The following SLC17A7 variants were observed in gnomAD, a reference collection of about 807,000 sequenced individuals.
SLC17A7 encodes the protein solute carrier family 17 member 7.
In SLC17A7, 15 loss-of-function variants were observed where a neutral mutation model predicts 59.1. The ratio of observed to expected loss-of-function variants is 0.25; its 90% CI spans 0.17 to 0.39. The LOEUF (loss-of-function observed/expected upper bound fraction) is 0.39, where lower values mean the gene tolerates loss of function less well. Among genes scored for constraint, SLC17A7 ranks in the 10% least tolerant of loss-of-function variants. The pLI is 1.00. For missense variants in SLC17A7, 499 were observed against 765.1 expected (o/e 0.65, Z 4.10); for synonymous variants, 353 against 308.9 (o/e 1.14, Z -1.50).
Position 49,436,701 on chromosome 19 carries a change from T to G in SLC17A7, c.163A>C (p.Thr55Pro), listed in dbSNP as rs1235037673. 2 of 1,613,546 alleles carry G rather than the reference T, an allele frequency of 1.2e-6. No homozygotes were observed. The highest frequency in any genetic ancestry group is 1.7e-6 in the Non-Finnish European group (2 of 1,179,958). Residue 55 changes from threonine (T) to proline (P), a missense_variant, in exon 2 of 12, where the codon ACC becomes CCC. Transcript: ENST00000221485. The surrounding 1 kb of genome is among the most constrained non-coding windows in gnomAD (Gnocchi z 4.1). ...QTRDPPVVDC[T>P]CFGLPRRYII... Reference sequence around the variant, plus strand: ...TAGCGGCGAGGGAGGCCGAAGCAGGTGCAGTCCACCACCGGCGGGTCCCGG... The same window carrying G: ...TAGCGGCGAGGGAGGCCGAAGCAGGGGCAGTCCACCACCGGCGGGTCCCGG...
chr19:49,440,666 T>C (rs568629062), intron 1 of SLC17A7, among the ~76,000 whole-genome samples: 1 of 152,258 alleles, frequency 6.6e-6, no homozygotes, highest in South Asian at 2.1e-4. Context: ...CAATCCGCTT[T>C]AGCTGCAGAT....
At chr19:49,439,787 AG>A (rs1015439909) in intron 1 of SLC17A7, among the ~76,000 whole-genome samples, 86 of 152,258 alleles carry the variant, frequency 5.6e-4, no homozygotes, top group African/African-American at 2.0e-3. Flanking sequence ...GGGACCCAAG[AG>A]GTAACTCAGA....
Position 49,432,873 on chromosome 19 carries a change from A to G in SLC17A7, c.955T>C (p.Tyr319His). Reference sequence around the variant, plus strand: ...GCGGGCTGGGAGATGAGCAGCAGGTAGAACGTCCAGCTGCGGCAGAAGTTG... The same window carrying G: ...GCGGGCTGGGAGATGAGCAGCAGGTGGAACGTCCAGCTGCGGCAGAAGTTG... The part of the protein sequence containing the change: ...VANFCRSWTF[Y>H]LLLISQPAYF... The change falls in exon 8 of 12, where the codon TAC becomes CAC. Residue 319 changes from tyrosine to histidine, a missense_variant. Transcript: ENST00000221485. 1 of 1,596,718 alleles carries G rather than the reference A, an allele frequency of 6.3e-7. No homozygotes were observed. Among genetic ancestry groups the G allele is most frequent in the Non-Finnish European group, 8.5e-7 (1 of 1,171,578 alleles).
At position 49,431,460 on chromosome 19, in the gene SLC17A7, G is replaced by C; in HGVS notation, c.1151-12C>G. On this transcript the variant is annotated splice_polypyrimidine_tract_variant and intron_variant, in intron 9 of 11. Transcript: ENST00000221485. The surrounding 1 kb of genome is among the most constrained non-coding windows in gnomAD (Gnocchi z 4.6). ...TTCCATGCCGAAGCCTACGGGGGCG[G>C]GGGGGGCCCGCGTCTCCTGAGTGTC... 6.2e-7 allele frequency: 1 copy of C among 1,610,078 alleles called. No homozygotes were observed. The highest frequency in any genetic ancestry group is 2.2e-5 in the East Asian group (1 of 44,834).
At chr19:49,434,255 C>G (rs912503002) in intron 5 of SLC17A7, among the ~76,000 whole-genome samples, 1 of 149,318 alleles carries the variant, frequency 6.7e-6, no homozygotes, top group African/African-American at 2.5e-5. Flanking sequence ...GGAGTCCAGG[C>G]CCCCAGCTCC....
At position 49,430,515 on chromosome 19, in the gene SLC17A7, A is replaced by G. The variant is rs764804430; in HGVS notation, c.*4T>C. The G allele has an allele frequency of 3.7e-5, 57 of 1,553,542 alleles. No individual in the cohort carries two copies. Among genetic ancestry groups the G allele is most frequent in the Non-Finnish European group, 4.7e-5 (54 of 1,149,204 alleles). On this transcript the variant is annotated 3_prime_UTR_variant, in exon 12 of 12. Transcript: ENST00000221485. Reference sequence around the variant, plus strand: ...GAAACTGCCATTCAGTGGGAGGCACATGGTCAGTAGTCCCGGACAGGGGGT... The same window carrying G: ...GAAACTGCCATTCAGTGGGAGGCACGTGGTCAGTAGTCCCGGACAGGGGGT...
chr19:49,434,726 A>G (rs566255603), intron 4 of SLC17A7, 37 bp from the exon 5 acceptor site: 2 of 1,614,086 alleles, frequency 1.2e-6, no homozygotes, highest in Admixed American at 1.7e-5. Flanking sequence ...GAGAAGAGGC[A>G]GGGTCCGAGC....
rs142548730 is a variant in SLC17A7, at chr19:49,433,357, G to A, written c.867+369C>T. Reference sequence around the variant, plus strand: ...CGATCCTGCAGCCTCCACCCCCAAAGTGTTGGGATTGCAGGCGGAAGCCAC... The same window carrying A: ...CGATCCTGCAGCCTCCACCCCCAAAATGTTGGGATTGCAGGCGGAAGCCAC... On this transcript the variant is annotated intron_variant, in intron 7 of 11. Transcript: ENST00000221485. This position sits in a 1 kb window ranked among gnomAD's most constrained non-coding sequence, Gnocchi z 5.7. 6.8e-4 allele frequency: 301 copies of A among 440,032 alleles called. 1 individual carries two copies. The highest frequency in any genetic ancestry group is 5.8e-3 in the African/African-American group (291 of 49,908). The allele number at this position is 440,032 out of a possible 1,614,324, so 27.3% of individuals were successfully genotyped here.
In SLC17A7 at chr19:49,436,794, C is replaced by G; in HGVS notation, c.70G>C (p.Glu24Gln). The stretch of plus-strand genomic sequence containing the variant: ...GTCTCCGCGCCTTCCTGCCGCTTCT[C>G]CAGAAGGCTGCGGGACAGCAAGAGC... Reference protein sequence around the residue: ...RALGKLHRLLEKRQEGAETLE... With the variant: ...RALGKLHRLLQKRQEGAETLE... The change falls in exon 2 of 12, where the codon GAG (glutamate) becomes CAG (glutamine). Residue 24 changes from glutamate (E) to glutamine (Q), a missense_variant. This residue lies in a region of SLC17A7 where 78 missense variants were observed against 80.4 expected (regional missense o/e 0.97). Coordinates refer to ENST00000221485, the MANE Select transcript of SLC17A7 (RefSeq NM_020309.4). The surrounding 1 kb of genome is among the most constrained non-coding windows in gnomAD (Gnocchi z 4.1). 6.2e-7 allele frequency: 1 copy of G among 1,601,596 alleles called. No homozygotes were observed. The highest frequency in any genetic ancestry group is 8.5e-7 in the Non-Finnish European group (1 of 1,179,590).
Position 49,433,872 on chromosome 19 carries a change from G to C in SLC17A7, c.725-4C>G, listed in dbSNP as rs909051120. On this transcript the variant is annotated splice_polypyrimidine_tract_variant and splice_region_variant and intron_variant, in intron 6 of 11. Coordinates refer to ENST00000221485, the MANE Select transcript of SLC17A7 (RefSeq NM_020309.4). The surrounding 1 kb of genome is among the most constrained non-coding windows in gnomAD (Gnocchi z 5.7). ...TACCAGAAGATCCCGAAGCTGCCTG[G>C]GGGGGTCAGGAGGGGGATGGGAGCG... 4.3e-6 allele frequency: 7 copies of C among 1,611,382 alleles called. No individual in the cohort carries two copies. The South Asian group carries it at 5.5e-5, about 13-fold the overall frequency.
chr19:49,440,102 C>T (rs552159357), intron 1 of SLC17A7, among the ~76,000 whole-genome samples: 2 of 152,338 alleles, frequency 1.3e-5, no homozygotes, highest in South Asian at 4.1e-4. Context: ...TCCTGCCCAC[C>T]TCCCCCCACT....
chr19:49,436,617 G>C lies in SLC17A7; in HGVS notation c.247C>G (p.Leu83Val). 6.2e-7 allele frequency: 1 copy of C among 1,614,030 alleles called. No individual in the cohort carries two copies. The highest frequency in any genetic ancestry group is 8.5e-7 in the Non-Finnish European group (1 of 1,179,982). ...ACCATGGAGACGATGGCCACGCCCA[G>C]GTTGCAGCGGATGCCAAAGCTGATG... ...FCISFGIRCNLGVAIVSMVNN... is the reference protein window; with the variant it reads ...FCISFGIRCNVGVAIVSMVNN... The change falls in exon 2 of 12, where the codon CTG becomes GTG. Residue 83 changes from leucine to valine, a missense_variant. Leu to Val is a conservative substitution (Grantham distance 32, BLOSUM62 1). Coordinates refer to ENST00000221485, the MANE Select transcript of SLC17A7 (RefSeq NM_020309.4). This position sits in a 1 kb window ranked among gnomAD's most constrained non-coding sequence, Gnocchi z 4.1.
chr19:49,441,209 A>C (rs2078998452), intron 1 of SLC17A7, 109 bp downstream of exon 1: 4 of 1,521,856 alleles, frequency 2.6e-6, no homozygotes, highest in Non-Finnish European at 3.5e-6. Context: ...AGATGGGTGG[A>C]CCCCCATGCC....
Position 49,430,368 on chromosome 19 carries a change from A to G in SLC17A7, c.*151T>C. The G allele has an allele frequency of 1.7e-6, 1 of 572,920 alleles. No homozygotes were observed. Among genetic ancestry groups the G allele is most frequent in the Non-Finnish European group, 3.0e-6 (1 of 332,702 alleles). The allele number at this position is 572,920 out of a possible 1,614,324, so 35.5% of individuals were successfully genotyped here. On this transcript the variant is annotated 3_prime_UTR_variant, in exon 12 of 12. Coordinates refer to ENST00000221485, the MANE Select transcript of SLC17A7 (RefSeq NM_020309.4). ...TACCCCTGAGAGGCAATTGGGAAGG[A>G]AAGAGGATTTGACAGCACTGGGAAC...
Position 49,430,423 on chromosome 19 carries a change from G to A in SLC17A7, c.*96C>T. 1 of 878,040 alleles carries A rather than the reference G, an allele frequency of 1.1e-6. No homozygotes were observed. 54.4% of individuals were successfully genotyped at this position (878,040 alleles called of 1,614,324 possible). A position where few individuals can be genotyped will look rare whatever the true frequency, so the allele number is the denominator to read the frequency against. On this transcript the variant is annotated 3_prime_UTR_variant, in exon 12 of 12. Transcript: ENST00000221485. ...GAGAGTGCTTCTTAGGCCTGAGGCA[G>A]GACAGAGAGGAGCAGGGTTCCTTGA...
In SLC17A7 at chr19:49,430,529, C is replaced by T. The variant is rs145502722; in HGVS notation, c.1673G>A (p.Arg558Gln). 2.8e-3 allele frequency: 4,389 copies of T among 1,570,730 alleles called. 24 individuals carry two copies. The highest frequency in any genetic ancestry group is 0.011 in the South Asian group (881 of 83,348). Residue 558 changes from arginine to glutamine, a missense_variant, in exon 12 of 12, where the codon CGG (arginine) becomes CAG (glutamine). Around this residue, in one of 3 missense-constraint regions of SLC17A7, gnomAD observed 98 missense variants for 77.5 expected, o/e 1.27. Coordinates refer to ENST00000221485, the MANE Select transcript of SLC17A7 (RefSeq NM_020309.4). ...GTGGGAGGCACATGGTCAGTAGTCC[C>T]GGACAGGGGGTGGGGGCCTGGGGGG... ...FQPPRPPPPV[R>Q]DY is the part of the protein sequence containing the mutation.
Position 49,431,584 on chromosome 19 carries a change from G to T in SLC17A7, c.1151-136C>A. On this transcript the variant is annotated intron_variant, in intron 9 of 11. Coordinates refer to ENST00000221485, the MANE Select transcript of SLC17A7 (RefSeq NM_020309.4). This position sits in a 1 kb window ranked among gnomAD's most constrained non-coding sequence, Gnocchi z 4.6. ...CCCAGTCTGGCCACCTCCACGCCCA[G>T]GCCTCTTCGCGCCCTCCACGCCACC... The T allele has an allele frequency of 1.5e-6, 1 of 683,048 alleles. No individual in the cohort carries two copies. Among genetic ancestry groups the T allele is most frequent in the Non-Finnish European group, 2.5e-6 (1 of 402,830 alleles). The allele number at this position is 683,048 out of a possible 1,614,324, so 42.3% of individuals were successfully genotyped here.
In SLC17A7 at chr19:49,433,811, G is replaced by A; in HGVS notation, c.782C>T (p.Ala261Val). 6.2e-7 allele frequency: 1 copy of A among 1,613,892 alleles called. No individual in the cohort carries two copies. The change falls in exon 7 of 12, where the codon GCG becomes GTG. Residue 261 changes from alanine to valine, a missense_variant. Around this residue, in one of 3 missense-constraint regions of SLC17A7, gnomAD observed 323 missense variants for 607.2 expected, o/e 0.53. Coordinates refer to ENST00000221485, the MANE Select transcript of SLC17A7 (RefSeq NM_020309.4). This position sits in a 1 kb window ranked among gnomAD's most constrained non-coding sequence, Gnocchi z 5.7. Reference sequence around the variant, plus strand: ...CTCCTCCGAGATGCTGGGGTGCAGCGCGGGGGACTCGTAGGAGACGAGCAG... The same window carrying A: ...CTCCTCCGAGATGCTGGGGTGCAGCACGGGGGACTCGTAGGAGACGAGCAG... ...FWLLVSYESP[A>V]LHPSISEEER...
chr19:49,432,509 C>T lies in SLC17A7; in HGVS notation c.1150+10G>A. On this transcript the variant is annotated intron_variant, in intron 9 of 11. Coordinates refer to ENST00000221485, the MANE Select transcript of SLC17A7 (RefSeq NM_020309.4). ...TGTCCTAGAGCCGGCCCAGGCCCCG[C>T]CCCACTCACCTCCGCAGTTCATCAA... The T allele has an allele frequency of 6.2e-7, 1 of 1,610,466 alleles. No individual in the cohort carries two copies. The highest frequency in any genetic ancestry group is 8.5e-7 in the Non-Finnish European group (1 of 1,178,068).
Sources: gnomAD v4.1 joint callset for allele counts (sites outside exome capture counted in the v4.1 genomes callset) on GRCh38, gnomAD v4.1.1 for gene constraint, gnomAD v4.1.1 regional missense constraint, Gnocchi (gnomAD v3.1) non-coding constraint, MANE v1.5 for transcripts, NCBI Gene and HGNC (gene_info 2026-07-23, HGNC 2026-07-21) for gene names.